Variants in KAZN observed in about 807,000 individuals in gnomAD.
KAZN encodes the protein kazrin, periplakin interacting protein, also known as kazrin.
A neutral mutation model predicts 87.4 loss-of-function variants in KAZN; 40 were observed. That is an observed-to-expected ratio of 0.46 (90% CI 0.36 to 0.60). The LOEUF is 0.60. Ranked by LOEUF, KAZN falls within the 20% of genes least tolerant of loss-of-function variation. The probability of loss-of-function intolerance (pLI) is 0.00; values close to 1 mark genes in which losing one functional copy is unlikely to be tolerated. For synonymous variants in KAZN, 466 were observed against 458.3 expected, an observed-to-expected ratio of 1.02 and a Z score of -0.22; for missense variants, 898 against 1,073.9, an observed-to-expected ratio of 0.84 and a Z score of 2.29.
chr1:14,380,740 A>C (rs1661295059), intron 2 of KAZN, among the ~76,000 whole-genome samples: 1 of 152,190 alleles, frequency 6.6e-6, no homozygotes. Context: ...ATAGCCCCAA[A>C]AGGGCAAATC....
chr1:14,218,008 T>C (rs1646995937), intron 2 of KAZN, among the ~76,000 whole-genome samples: 1 of 152,138 alleles, frequency 6.6e-6, no homozygotes, highest in Admixed American at 6.5e-5. Context: ...ATGAGCTTTT[T>C]CTGAGGAATT....
intron 1 of KAZN, among the ~76,000 whole-genome samples, chr1:14,809,514 G>A (rs1646338149): frequency 1.3e-5 from 2 of 152,208 alleles, no homozygotes. Context: ...AAACTTGCAA[G>A]GGTGCAGGGG....
intron 2 of KAZN, among the ~76,000 whole-genome samples, chr1:14,504,586 T>C (rs1168479023): frequency 6.6e-6 from 1 of 152,170 alleles, no homozygotes; most frequent in East Asian, 1.9e-4. Context: ...AGATGAGAGC[T>C]ATCTGGGAGG....
intron 2 of KAZN, among the ~76,000 whole-genome samples, chr1:14,961,241 C>T (rs945901152): frequency 1.3e-5 from 2 of 152,234 alleles, no homozygotes; most frequent in African/African-American, 4.8e-5. Flanking sequence ...CATAGTGTGG[C>T]TACGCTGATT....
chr1:14,734,308 CTTTTTT>C (rs57677032), intron 1 of KAZN, among the ~76,000 whole-genome samples: 2 of 118,146 alleles, frequency 1.7e-5, no homozygotes, highest in Admixed American at 8.9e-5. Context: ...TTTTTCTTTT[CTTTTTT>C]TTTTTTTTTT....
Position 14,929,666 on chromosome 1 carries a change from G to A in KAZN, c.227-31018G>A, listed in dbSNP as rs553897977. Reference sequence around the variant, plus strand: ...GCCCTGGGGATCCCGTGTTTGCTGTGAGTCACTAAGGGCTGTAAACACTCC... The same window carrying A: ...GCCCTGGGGATCCCGTGTTTGCTGTAAGTCACTAAGGGCTGTAAACACTCC... On this transcript the variant is annotated intron_variant, in intron 1 of 14. Coordinates refer to ENST00000376030, the MANE Select transcript of KAZN (RefSeq NM_201628.3). 99 of 631,834 alleles carry A rather than the reference G, an allele frequency of 1.6e-4. No homozygotes were observed. The African/African-American group carries it at 2.0e-3, about 13-fold the overall frequency. The allele number at this position is 631,834 out of a possible 1,614,324, so 39.1% of individuals were successfully genotyped here. A position where few individuals can be genotyped will look rare whatever the true frequency, so the allele number is the denominator to read the frequency against.
chr1:13,893,083 G>C (rs1638900103), exon 1 of KAZN: 1 of 151,930 alleles, frequency 6.6e-6, no homozygotes, highest in African/African-American at 2.4e-5. Context: ...GCAGGACCTG[G>C]GGCCGCGGCG....
intron 2 of KAZN, among the ~76,000 whole-genome samples, chr1:14,190,063 A>T (rs978888922): frequency 6.6e-6 from 1 of 152,116 alleles, no homozygotes; most frequent in Non-Finnish European, 1.5e-5. Flanking sequence ...CTTGGGCAGG[A>T]TGACTTCAAA....
intron 2 of KAZN, among the ~76,000 whole-genome samples, chr1:14,447,194 T>C (rs1667028197): frequency 6.8e-6 from 1 of 146,086 alleles, no homozygotes; most frequent in South Asian, 2.2e-4. Context: ...CCTTGGAACA[T>C]GGCGTTTCCA....
rs1314179860 is a variant in KAZN, at chr1:14,996,642, A to C, written c.418+35767A>C. ...ACGGGCGTGCAGATCTGACAAGATC[A>C]GGATCTGGGTCTGTGAGAGGCCCTG... is the stretch of plus-strand genomic sequence containing the variant. On this transcript the variant is annotated intron_variant, in intron 2 of 14. Transcript: ENST00000376030. The surrounding 1 kb of genome is among the most constrained non-coding windows in gnomAD (Gnocchi z 5.9). 6.6e-6 allele frequency among the ~76,000 whole-genome samples: 1 copy of C among 152,218 alleles called. No individual in the cohort carries two copies. The highest frequency in any genetic ancestry group is 2.4e-5 in the African/African-American group (1 of 41,454).
At chr1:14,387,014 CTTTT>C (rs1661972184) in intron 2 of KAZN, among the ~76,000 whole-genome samples, 1 of 152,120 alleles carries the variant, frequency 6.6e-6, no homozygotes, top group South Asian at 2.1e-4. Context: ...TTGCTCGTTT[CTTTT>C]TATTTTTTTC....
At chr1:14,521,617 C>A (rs57913665) in intron 2 of KAZN, among the ~76,000 whole-genome samples, 54 of 152,294 alleles carry the variant, frequency 3.5e-4, no homozygotes, top group African/African-American at 1.3e-3. Flanking sequence ...AAGGAAGAAA[C>A]CAGCAAAGCA....
At chr1:15,078,493 G>A in intron 8 of KAZN, among the ~76,000 whole-genome samples, 1 of 152,348 alleles carries the variant, frequency 6.6e-6, no homozygotes, top group African/African-American at 2.4e-5. Flanking sequence ...AGATATGATT[G>A]AAGCTGATTA....
At chr1:14,460,184 T>A (rs1224575448) in intron 2 of KAZN, among the ~76,000 whole-genome samples, 3 of 152,222 alleles carry the variant, frequency 2.0e-5, no homozygotes, top group Non-Finnish European at 4.4e-5. Flanking sequence ...AAAGGGCACC[T>A]ATAACCCACA....
chr1:14,913,723 TG>T (rs1202014451), intron 1 of KAZN, among the ~76,000 whole-genome samples: 1 of 152,194 alleles, frequency 6.6e-6, no homozygotes, highest in Non-Finnish European at 1.5e-5. Flanking sequence ...GCAGGGGTGG[TG>T]GGGGCCCTGT....
rs148552681 is a variant in KAZN at position 15,026,931 on chromosome 1, A to G, written c.419-7818A>G. On this transcript the variant is annotated intron_variant, in intron 2 of 14. Transcript: ENST00000376030. The stretch of plus-strand genomic sequence containing the variant: ...ACTATGTTTCATCGGGGACTTGAGC[A>G]TCGGTGGATTTTGGTATTTGGGGGA... 4.7e-3 allele frequency among the ~76,000 whole-genome samples: 720 copies of G among 152,254 alleles called. 4 individuals carry two copies. The highest frequency in any genetic ancestry group is 0.016 in the African/African-American group (675 of 41,534).
At chr1:14,183,556 C>T (rs968743449) in intron 2 of KAZN, among the ~76,000 whole-genome samples, 2 of 152,124 alleles carry the variant, frequency 1.3e-5, no homozygotes, top group South Asian at 2.1e-4. Flanking sequence ...CCCAAAATGC[C>T]GACTCAGCCT....
intron 1 of KAZN, among the ~76,000 whole-genome samples, chr1:14,689,139 G>A (rs902362845): frequency 1.3e-5 from 2 of 152,166 alleles, no homozygotes; most frequent in African/African-American, 4.8e-5. Context: ...AGTTTGCAGT[G>A]AGCCGAGATC....
Position 14,744,818 on chromosome 1 carries a change from G to A in KAZN, c.226+145595G>A, listed in dbSNP as rs187547899. 2.5e-3 allele frequency among the ~76,000 whole-genome samples: 381 copies of A among 152,188 alleles called. 1 individual carries two copies. Among genetic ancestry groups the A allele is most frequent in the African/African-American group, 8.7e-3 (363 of 41,520 alleles). On this transcript the variant is annotated intron_variant, in intron 1 of 14. Transcript: ENST00000376030. ...AAATAACTAGAAGGATTTTCACAGGGACCAAACTCAAGCAAGCAGCACTGA... is the reference window on the plus strand; with the variant it reads ...AAATAACTAGAAGGATTTTCACAGGAACCAAACTCAAGCAAGCAGCACTGA...
Sources: gnomAD v4.1 joint callset for allele counts (sites outside exome capture counted in the v4.1 genomes callset) on GRCh38, gnomAD v4.1.1 for gene constraint, Gnocchi (gnomAD v3.1) non-coding constraint, MANE v1.5 for transcripts, NCBI Gene and HGNC (gene_info 2026-07-23, HGNC 2026-07-21) for gene names.